Variants in JPH3 observed in about 807,000 individuals in gnomAD.
The protein encoded by JPH3 is junctophilin-3.
In JPH3, 11 loss-of-function variants were observed where a neutral mutation model predicts 59.6. The ratio of observed to expected loss-of-function variants is 0.18; its 90% CI spans 0.12 to 0.31. The LOEUF (loss-of-function observed/expected upper bound fraction) is 0.31, where lower values mean the gene tolerates loss of function less well. JPH3 is among the 10% of genes least tolerant of loss of function. The pLI, the probability that JPH3 is intolerant of heterozygous loss-of-function variation, is 1.00. For missense variants in JPH3, 1,202 were observed against 1,105.7 expected, an observed-to-expected ratio of 1.09 and a Z score of -1.24; for synonymous variants, 673 against 483.6, an observed-to-expected ratio of 1.39 and a Z score of -5.14.
At chr16:87,687,032 G>A (rs913603177) in intron 3 of JPH3, among the ~76,000 whole-genome samples, 1 of 152,256 alleles carries the variant, frequency 6.6e-6, no homozygotes, top group Non-Finnish European at 1.5e-5. Flanking sequence ...CTTCCCTGGA[G>A]GGGGCGTTGG....
intron 2 of JPH3, among the ~76,000 whole-genome samples, chr16:87,652,959 T>G (rs2032372452): frequency 6.6e-6 from 1 of 152,214 alleles, no homozygotes; most frequent in Non-Finnish European, 1.5e-5. Context: ...CAGGCTCTTC[T>G]GTCGGCTCAG....
intron 1 of JPH3, among the ~76,000 whole-genome samples, chr16:87,636,516 G>T (rs963136292): frequency 6.6e-6 from 1 of 152,204 alleles, no homozygotes; most frequent in Non-Finnish European, 1.5e-5. Context: ...GGCCCAGCCC[G>T]CAGAGCTCCC....
At position 87,644,844 on chromosome 16, in the gene JPH3, C is replaced by T. The variant is rs376157795; in HGVS notation, c.969C>T (p.Tyr323=). Residue 323 remains tyrosine, a synonymous_variant, in exon 2 of 5, where the codon TAC becomes TAT. Coordinates refer to ENST00000284262, the MANE Select transcript of JPH3 (RefSeq NM_020655.4). ...GGGCCAGCAACCGGCGCCATGGCTA[C>T]GGCTGCATGACCTTCCCGGACGGCA... The part of the protein sequence containing the change: ...GEWASNRRHG[Y]GCMTFPDGTK... The T allele has an allele frequency of 5.1e-5, 83 of 1,613,450 alleles. No individual in the cohort carries two copies. Among genetic ancestry groups the T allele is most frequent in the South Asian group, 2.7e-4 (25 of 91,070 alleles).
intron 1 of JPH3, chr16:87,604,025 A>G: frequency 7.5e-6 from 7 of 938,572 alleles, no homozygotes; most frequent in Non-Finnish European, 8.9e-6. Flanking sequence ...AAAGGGAGTG[A>G]TGGGGAGCGC....
At chr16:87,649,369 C>G (rs547834307) in intron 2 of JPH3, among the ~76,000 whole-genome samples, 195 of 152,364 alleles carry the variant, frequency 1.3e-3, no homozygotes, top group African/African-American at 4.4e-3. Context: ...AGGGCACACA[C>G]AGGGCACCTT....
chr16:87,663,848 C>T (rs527861183), intron 2 of JPH3, among the ~76,000 whole-genome samples: 3 of 152,046 alleles, frequency 2.0e-5, no homozygotes, highest in East Asian at 1.9e-4. Flanking sequence ...ATTAGGGTTT[C>T]TGTCTGTTTT....
At chr16:87,666,390 A>G (rs534178502) in intron 2 of JPH3, among the ~76,000 whole-genome samples, 3 of 141,448 alleles carry the variant, frequency 2.1e-5, no homozygotes, top group African/African-American at 7.9e-5. Flanking sequence ...CGCCTGGCCT[A>G]TTTTTTTTTT....
At chr16:87,663,832 G>A (rs150569139) in intron 2 of JPH3, among the ~76,000 whole-genome samples, 139 of 152,230 alleles carry the variant, frequency 9.1e-4, no homozygotes, top group African/African-American at 3.3e-3. Context: ...CTGTGCTGCC[G>A]TTTTTATTAG....
intron 1 of JPH3, among the ~76,000 whole-genome samples, chr16:87,635,801 A>G (rs825588): frequency 0.76 from 115,999 of 152,044 alleles, 44,622 homozygotes; most frequent in Non-Finnish European, 0.81. Flanking sequence ...TTCCTCTCTC[A>G]GTGTTTGGGC....
chr16:87,689,614 G>A (rs755225584), intron 3 of JPH3, 32 bp from the exon 4 acceptor site: 9 of 1,602,914 alleles, frequency 5.6e-6, no homozygotes, highest in Middle Eastern at 1.7e-4. Context: ...GCTGGGTAAC[G>A]CCGTCTGGCG....
chr16:87,613,306 A>G (rs996759358), intron 1 of JPH3, among the ~76,000 whole-genome samples: 7 of 150,344 alleles, frequency 4.7e-5, no homozygotes, highest in Middle Eastern at 3.4e-3. Context: ...TCACCGTGTT[A>G]GCCAGGATGG....
chr16:87,663,966 G>A (rs1407368018), intron 2 of JPH3, among the ~76,000 whole-genome samples: 1 of 152,192 alleles, frequency 6.6e-6, no homozygotes, highest in East Asian at 1.9e-4. Context: ...TGGTGGAATC[G>A]ACTCTTCTGT....
Position 87,645,118 on chromosome 16 carries a change from C to G in JPH3, c.1160+83C>G, listed in dbSNP as rs1002004467. ...CAGTCTGTTCAGTCCTGCTGTCGCT[C>G]AAGGCCTTGGGCTAGGCCCAGTTTG... On this transcript the variant is annotated intron_variant, in intron 2 of 4. Coordinates refer to ENST00000284262, the MANE Select transcript of JPH3 (RefSeq NM_020655.4). The G allele has an allele frequency of 7.1e-6, 10 of 1,412,934 alleles. No homozygotes were observed. The East Asian group carries it at 1.9e-4, about 27-fold the overall frequency. The allele number at this position is 1,412,934 out of a possible 1,614,324, so 87.5% of individuals were successfully genotyped here. A position where few individuals can be genotyped will look rare whatever the true frequency, so the allele number is the denominator to read the frequency against.
At chr16:87,609,710 T>C (rs1022550965) in intron 1 of JPH3, among the ~76,000 whole-genome samples, 3 of 152,198 alleles carry the variant, frequency 2.0e-5, no homozygotes, top group Non-Finnish European at 2.9e-5. Flanking sequence ...GATTTGTCTG[T>C]ACCAGTCAGT....
At chr16:87,622,876 C>G (rs935073926) in intron 1 of JPH3, among the ~76,000 whole-genome samples, 1 of 152,184 alleles carries the variant, frequency 6.6e-6, no homozygotes, top group African/African-American at 2.4e-5. Flanking sequence ...TCTGGTCACC[C>G]TTCCAGGGCT....
chr16:87,680,870 G>A (rs571671160), intron 2 of JPH3, among the ~76,000 whole-genome samples: 24 of 152,206 alleles, frequency 1.6e-4, no homozygotes, highest in Admixed American at 2.6e-4. Context: ...GTAAACACAC[G>A]TATGATGTTG....
In JPH3 at chr16:87,641,746, G is replaced by A. The variant is rs550894036; in HGVS notation, c.383-2512G>A. ...GGCAGCCTCAGGGGCTCTGTCCGGGGCTGCAGCCTGATTGGTGATCTTTGC... is the reference window on the plus strand; with the variant it reads ...GGCAGCCTCAGGGGCTCTGTCCGGGACTGCAGCCTGATTGGTGATCTTTGC... On this transcript the variant is annotated intron_variant, in intron 1 of 4. Transcript: ENST00000284262. Among the ~76,000 whole-genome samples, 7 of 152,396 alleles carry A rather than the reference G, an allele frequency of 4.6e-5. No individual in the cohort carries two copies. In the South Asian group the frequency reaches 6.2e-4, roughly 14 times the overall value.
intron 1 of JPH3, among the ~76,000 whole-genome samples, chr16:87,614,198 C>T (rs916112916): frequency 3.3e-5 from 5 of 151,344 alleles, no homozygotes; most frequent in Admixed American, 6.6e-5. Flanking sequence ...TACGAGGAGC[C>T]GCGTGTCCCC....
intron 2 of JPH3, among the ~76,000 whole-genome samples, chr16:87,663,678 C>G (rs971801611): frequency 2.0e-5 from 3 of 152,144 alleles, no homozygotes; most frequent in Non-Finnish European, 4.4e-5. Flanking sequence ...ACCCCATCCT[C>G]GTCAGGGCAC....
Sources: allele counts gnomAD v4.1 joint callset (sites outside exome capture counted in the v4.1 genomes callset), GRCh38; gene constraint gnomAD v4.1.1; transcripts MANE v1.5; gene names NCBI Gene and HGNC (gene_info 2026-07-23, HGNC 2026-07-21).